The following ANO2 variants were observed in gnomAD, a reference collection of about 807,000 sequenced individuals.
The protein encoded by ANO2 is anoctamin-2.
ANO2 carries 101 observed loss-of-function variants against 124.2 expected under a neutral mutation model. The observed-to-expected ratio is 0.81, with a 90% CI of 0.69 to 0.96. ANO2 has a LOEUF of 0.96. ANO2 is among the 40% of genes least tolerant of loss of function. ANO2 has a pLI of 0.00. For synonymous variants in ANO2, 486 were observed against 482.5 expected (o/e 1.01, Z -0.09); for missense variants, 1,293 against 1,274.5 (o/e 1.01, Z -0.22).
rs1278847902 is a variant in ANO2 at position 5,612,674 on chromosome 12, A to G, written c.2069T>C (p.Ile690Thr). 1.9e-6 allele frequency: 3 copies of G among 1,613,772 alleles called. No individual in the cohort carries two copies. The highest frequency in any genetic ancestry group is 1.3e-5 in the African/African-American group (1 of 74,904). ...MLGKQLIQNN[I>T]FEIGVPKLKK... The stretch of plus-strand genomic sequence containing the variant: ...TACATACGGGACTCCAATCTCAAAG[A>G]TGTTGTTCTGGATCAACTGCTTCCC... The change falls in exon 19 of 25, where the codon ATC becomes ACC. Residue 690 changes from isoleucine (I) to threonine (T), a missense_variant. Coordinates refer to ENST00000682330, the MANE Select transcript of ANO2 (RefSeq NM_001364791.2).
intron 1 of ANO2, among the ~76,000 whole-genome samples, chr12:5,934,832 C>T (rs575899402): frequency 6.6e-6 from 1 of 152,300 alleles, no homozygotes; most frequent in African/African-American, 2.4e-5. Context: ...ATCTCTTCCT[C>T]CTGGGTGTAA....
intron 23 of ANO2, among the ~76,000 whole-genome samples, chr12:5,566,876 C>T (rs1350932125): frequency 6.6e-6 from 1 of 152,170 alleles, no homozygotes; most frequent in Non-Finnish European, 1.5e-5. Context: ...CCAGTGACCG[C>T]AGTTTAGGGG....
intron 16 of ANO2, among the ~76,000 whole-genome samples, chr12:5,627,845 C>T (rs1036407090): frequency 1.3e-5 from 2 of 152,122 alleles, no homozygotes; most frequent in African/African-American, 4.8e-5. Flanking sequence ...GTAGTCCCAG[C>T]ATTTGGAGAG....
At chr12:5,580,540 C>T (rs1942685105) in intron 20 of ANO2, among the ~76,000 whole-genome samples, 3 of 152,114 alleles carry the variant, frequency 2.0e-5, no homozygotes, top group Non-Finnish European at 2.9e-5. Context: ...ATTGAAGGGA[C>T]CGGTTTAAAT....
At chr12:5,926,646 C>T (rs1942095227) in intron 1 of ANO2, among the ~76,000 whole-genome samples, 1 of 152,164 alleles carries the variant, frequency 6.6e-6, no homozygotes, top group African/African-American at 2.4e-5. Context: ...CCAGAAAATC[C>T]AAAGCAATCC....
chr12:5,862,718 C>A lies in ANO2; in HGVS notation c.535-8577G>T, dbSNP rs11829803. 4.5e-3 allele frequency among the ~76,000 whole-genome samples: 691 copies of A among 152,282 alleles called. 5 individuals are homozygous for A. The highest frequency in any genetic ancestry group is 0.016 in the African/African-American group (667 of 41,558). ...GGTAACTGAATCATGGGGGCGGTTT[C>A]CCCCATACTGTTCTCGTGGTAGTGA... On this transcript the variant is annotated intron_variant, in intron 3 of 24. Transcript: ENST00000682330. The surrounding 1 kb of genome is among the most constrained non-coding windows in gnomAD (Gnocchi z 4.0).
intron 7 of ANO2, among the ~76,000 whole-genome samples, chr12:5,819,234 C>G (rs527555716): frequency 6.6e-6 from 1 of 152,278 alleles, no homozygotes; most frequent in African/African-American, 2.4e-5. Flanking sequence ...TATAAATAGA[C>G]TGAAGCCCCA....
intron 3 of ANO2, among the ~76,000 whole-genome samples, chr12:5,913,855 A>G (rs1941207473): frequency 6.6e-6 from 1 of 152,206 alleles, no homozygotes; most frequent in Non-Finnish European, 1.5e-5. Context: ...TAAAGACAGA[A>G]TTTCTGAAAG....
chr12:5,775,461 CTTT>C (rs369913885), intron 10 of ANO2, among the ~76,000 whole-genome samples: 2 of 132,684 alleles, frequency 1.5e-5, no homozygotes, highest in Non-Finnish European at 1.6e-5. Context: ...ACCATCAATC[CTTT>C]TTTTTTTTTT....
chr12:5,578,167 C>G (rs891393817), intron 21 of ANO2, among the ~76,000 whole-genome samples, 160 bp from the exon 22 acceptor site: 1 of 152,194 alleles, frequency 6.6e-6, no homozygotes, highest in Non-Finnish European at 1.5e-5. Context: ...GCCCCCCCAT[C>G]TGGAAGCTCA....
At chr12:5,863,356 G>A (rs1416059430) in intron 3 of ANO2, among the ~76,000 whole-genome samples, 2 of 152,134 alleles carry the variant, frequency 1.3e-5, no homozygotes, top group African/African-American at 4.8e-5. Flanking sequence ...AATCCTACAG[G>A]TGGAAGAAAT....
chr12:5,654,333 G>A (rs955880650), intron 14 of ANO2, among the ~76,000 whole-genome samples: 3 of 152,196 alleles, frequency 2.0e-5, no homozygotes. Flanking sequence ...AGGAATGGTT[G>A]CTTCTAGATT....
intron 14 of ANO2, among the ~76,000 whole-genome samples, chr12:5,725,507 C>T (rs1950401841): frequency 6.6e-6 from 1 of 152,156 alleles, no homozygotes; most frequent in Non-Finnish European, 1.5e-5. Context: ...GTGCTGACCC[C>T]AAAAACTATA....
At chr12:5,859,831 A>T (rs754925950) in intron 3 of ANO2, among the ~76,000 whole-genome samples, 15 of 152,060 alleles carry the variant, frequency 9.9e-5, no homozygotes, top group Non-Finnish European at 1.8e-4. Context: ...ACCACATCTG[A>T]CCTGTCCATT....
At chr12:5,855,552 G>A (rs151026095) in intron 3 of ANO2, among the ~76,000 whole-genome samples, 1 of 152,324 alleles carries the variant, frequency 6.6e-6, no homozygotes, top group African/African-American at 2.4e-5. Context: ...TTGGACTATG[G>A]TGTGAAAGCC....
upstream of ANO2, chr12:5,946,002 TG>T: frequency 1.1e-6 from 1 of 877,450 alleles, no homozygotes; most frequent in Non-Finnish European, 1.8e-6. The surrounding 1 kb of genome is among the most constrained non-coding windows in gnomAD (Gnocchi z 4.1). Context: ...GGCAGGGGGA[TG>T]GGAGGGAAGA....
intron 19 of ANO2, among the ~76,000 whole-genome samples, chr12:5,605,813 C>T (rs1034288741): frequency 1.3e-5 from 2 of 152,126 alleles, no homozygotes; most frequent in Non-Finnish European, 2.9e-5. Context: ...ACCACAAGAT[C>T]AGATTCAGCC....
At chr12:5,890,609 T>C (rs954377812) in intron 3 of ANO2, among the ~76,000 whole-genome samples, 5 of 152,316 alleles carry the variant, frequency 3.3e-5, no homozygotes, top group East Asian at 3.9e-4. Context: ...GAGATGAACA[T>C]GCAGTTTACA....
At chr12:5,875,990 G>C (rs751285318) in intron 3 of ANO2, among the ~76,000 whole-genome samples, 2 of 152,138 alleles carry the variant, frequency 1.3e-5, no homozygotes, top group Non-Finnish European at 2.9e-5. Flanking sequence ...GAGAAGGCCA[G>C]GGCAAAGATG....
Sources: allele counts gnomAD v4.1 joint callset (sites outside exome capture counted in the v4.1 genomes callset), GRCh38; gene constraint gnomAD v4.1.1; non-coding constraint Gnocchi (gnomAD v3.1); transcripts MANE v1.5; gene names NCBI Gene and HGNC (gene_info 2026-07-23, HGNC 2026-07-21).